Variants in EIF2AK3 observed in about 807,000 individuals in gnomAD.
The protein encoded by EIF2AK3 is eukaryotic translation initiation factor 2-alpha kinase 3.
Under a neutral mutation model 113.5 loss-of-function variants are expected in EIF2AK3, and 50 were observed. That is an observed-to-expected ratio of 0.44 (90% CI 0.35 to 0.56). The LOEUF (loss-of-function observed/expected upper bound fraction) is 0.56, where lower values mean the gene tolerates loss of function less well. EIF2AK3 is among the 20% of genes least tolerant of loss of function. The pLI, the probability that EIF2AK3 is intolerant of heterozygous loss-of-function variation, is 0.00. For synonymous variants in EIF2AK3, 448 were observed against 495.4 expected (o/e 0.90, Z 1.27); for missense variants, 1,185 against 1,378.0 (o/e 0.86, Z 2.22).
chr2:88,608,127 T>G (rs536053430), intron 2 of EIF2AK3, among the ~76,000 whole-genome samples: 1 of 146,424 alleles, frequency 6.8e-6, no homozygotes, highest in African/African-American at 2.7e-5. Flanking sequence ...ATCAATAACT[T>G]AAAAATTATT....
In EIF2AK3 at chr2:88,574,688, C is replaced by G; in HGVS notation, c.2795G>C (p.Gly932Ala). 1 of 1,614,092 alleles carries G rather than the reference C, an allele frequency of 6.2e-7. No individual in the cohort carries two copies. The highest frequency in any genetic ancestry group is 1.3e-5 in the African/African-American group (1 of 75,040). Reference sequence around the variant, plus strand: ...GACCTTGAGGTCCCTGTGCATCAGTCCTTTACTGTGAAGAAACTCCACTGC... The same window carrying G: ...GACCTTGAGGTCCCTGTGCATCAGTGCTTTACTGTGAAGAAACTCCACTGC... ...AEAVEFLHSKGLMHRDLKPSN... is the reference protein window; with the variant it reads ...AEAVEFLHSKALMHRDLKPSN... The change falls in exon 13 of 17, where the codon GGA becomes GCA. Residue 932 changes from glycine to alanine, a missense_variant. By Grantham distance (60) the Gly-to-Ala change is moderately conservative (BLOSUM62 0). Around this residue, in one of 3 missense-constraint regions of EIF2AK3, gnomAD observed 877 missense variants for 1,024.2 expected, o/e 0.86. Coordinates refer to ENST00000303236, the MANE Select transcript of EIF2AK3 (RefSeq NM_004836.7).
In EIF2AK3 at chr2:88,583,423, C is replaced by T. The variant is rs1449445268; in HGVS notation, c.1763+7G>A. Reference sequence around the variant, plus strand: ...ATTCAGATGGTTGTATTTTATAAGACTCTTACCGTGATATATATCCAGAGT... The same window carrying T: ...ATTCAGATGGTTGTATTTTATAAGATTCTTACCGTGATATATATCCAGAGT... On this transcript the variant is annotated splice_region_variant and intron_variant, in intron 10 of 16. Transcript: ENST00000303236. The T allele has an allele frequency of 1.9e-6, 3 of 1,598,622 alleles. No individual in the cohort carries two copies. Among genetic ancestry groups the T allele is most frequent in the Admixed American group, 1.7e-5 (1 of 59,946 alleles).
intron 1 of EIF2AK3, among the ~76,000 whole-genome samples, chr2:88,620,888 C>T (rs1322910552): frequency 6.6e-6 from 1 of 152,204 alleles, no homozygotes; most frequent in Non-Finnish European, 1.5e-5. Flanking sequence ...CTAGCAGTAC[C>T]TGGGCCCCAG....
At chr2:88,585,787 G>A (rs1370865141) in intron 9 of EIF2AK3, 54 bp downstream of exon 9, 34 of 1,560,622 alleles carry the variant, frequency 2.2e-5, no homozygotes, top group Non-Finnish European at 2.7e-5. Context: ...GGGTTGAGAA[G>A]CAAATAGGAG....
In EIF2AK3 at chr2:88,627,211, CCAGCAG is replaced by C. The variant is rs1805190; in HGVS notation, c.58_63del (p.Leu20_Leu21del). On this transcript the variant is annotated inframe_deletion, in exon 1 of 17. Transcript: ENST00000303236. ...GCGGCCACCGTCCTTGCCGCGAGCC[CCAGCAG>C]CAGCAGCAGCAGCAGCAGCGCCCGT... The C allele has an allele frequency of 2.1e-3, 2,725 of 1,289,038 alleles. No homozygotes were observed. The highest frequency in any genetic ancestry group is 8.0e-3 in the Admixed American group (290 of 36,394). The allele number at this position is 1,289,038 out of a possible 1,614,324, so 79.9% of individuals were successfully genotyped here.
At chr2:88,593,195 C>T in intron 4 of EIF2AK3, 77 bp downstream of exon 4, 3 of 1,573,204 alleles carry the variant, frequency 1.9e-6, no homozygotes, top group Non-Finnish European at 2.6e-6. Context: ...AAAATCTCCA[C>T]AAACAGAAAT....
chr2:88,590,551 T>A lies in EIF2AK3; in HGVS notation c.1057A>T (p.Ile353Phe). ...WLLKDGKVIP[I>F]SLFDDTSYTS... ...TAACTTGTATCATCAAAAAGACTGA[T>A]GGGAATGACTTTCCCATCCTTAAGT... The change falls in exon 6 of 17, where the codon ATC (isoleucine) becomes TTC (phenylalanine). Residue 353 changes from isoleucine (I) to phenylalanine (F), a missense_variant. By Grantham distance (21) the Ile-to-Phe change is conservative (BLOSUM62 0). This residue lies in a region of EIF2AK3 where 877 missense variants were observed against 1,024.2 expected (regional missense o/e 0.86). Transcript: ENST00000303236. 6.2e-7 allele frequency: 1 copy of A among 1,613,578 alleles called. No homozygotes were observed. The highest frequency in any genetic ancestry group is 1.1e-5 in the South Asian group (1 of 91,072).
chr2:88,569,237 T>A (rs1317834263), intron 14 of EIF2AK3, among the ~76,000 whole-genome samples: 2 of 151,774 alleles, frequency 1.3e-5, no homozygotes, highest in Admixed American at 6.6e-5. Context: ...GCATGGTAGC[T>A]CACGCCTGTG....
chr2:88,563,166 G>A (rs745901636), intron 14 of EIF2AK3, among the ~76,000 whole-genome samples: 3 of 152,200 alleles, frequency 2.0e-5, no homozygotes, highest in Non-Finnish European at 4.4e-5. Context: ...AACTGCCAAA[G>A]AAGGGAACTT....
intron 2 of EIF2AK3, among the ~76,000 whole-genome samples, chr2:88,607,904 T>C (rs1344782486): frequency 6.6e-6 from 1 of 152,242 alleles, no homozygotes; most frequent in Non-Finnish European, 1.5e-5. Context: ...TTTAGAGATG[T>C]AGTCCAATTC....
chr2:88,583,123 T>C (rs1674638505), intron 10 of EIF2AK3, among the ~76,000 whole-genome samples: 1 of 152,164 alleles, frequency 6.6e-6, no homozygotes, highest in Admixed American at 6.5e-5. Flanking sequence ...CACACTCTTA[T>C]AAACCTAATT....
At chr2:88,561,158 T>C (rs1363635780) in intron 15 of EIF2AK3, among the ~76,000 whole-genome samples, 2 of 152,040 alleles carry the variant, frequency 1.3e-5, no homozygotes, top group African/African-American at 4.8e-5. Context: ...TCTTACTATG[T>C]TGCCCAGGCT....
chr2:88,626,863 G>C, intron 1 of EIF2AK3, 104 bp downstream of exon 1: 2 of 1,470,634 alleles, frequency 1.4e-6, no homozygotes, highest in South Asian at 2.5e-5. Context: ...CCGCAGCCGA[G>C]GGAAGACGCC....
intron 8 of EIF2AK3, among the ~76,000 whole-genome samples, chr2:88,587,448 T>C (rs1453181922): frequency 6.6e-6 from 1 of 152,090 alleles, no homozygotes; most frequent in Non-Finnish European, 1.5e-5. Context: ...AAATAGAAAA[T>C]GTATTTCATG....
rs575449273 is a variant in EIF2AK3 at position 88,626,881 on chromosome 2, G to C, written c.308+86C>G. The stretch of plus-strand genomic sequence containing the variant: ...CAGCCGAGGGAAGACGCCCGCCCGG[G>C]TCCCGGATCTCCGCCCCCCTACACC... On this transcript the variant is annotated intron_variant, in intron 1 of 16. Coordinates refer to ENST00000303236, the MANE Select transcript of EIF2AK3 (RefSeq NM_004836.7). 4.6e-5 allele frequency: 71 copies of C among 1,537,220 alleles called. 1 individual carries two copies. In the African/African-American group the frequency reaches 8.4e-4, roughly 18 times the overall value.
intron 15 of EIF2AK3, among the ~76,000 whole-genome samples, chr2:88,560,745 GTTTT>G (rs78200500): frequency 1.5e-5 from 2 of 130,996 alleles, no homozygotes; most frequent in East Asian, 4.4e-4. Flanking sequence ...TATTTTGACT[GTTTT>G]TTTTTTTTTT....
chr2:88,606,029 C>A (rs1675263222), intron 2 of EIF2AK3, among the ~76,000 whole-genome samples: 1 of 152,108 alleles, frequency 6.6e-6, no homozygotes, highest in Admixed American at 6.6e-5. Flanking sequence ...TGAGAAAAAC[C>A]TCTGCAATGA....
chr2:88,607,491 A>T (rs1675318559), intron 2 of EIF2AK3, among the ~76,000 whole-genome samples: 1 of 152,288 alleles, frequency 6.6e-6, no homozygotes, highest in South Asian at 2.1e-4. Flanking sequence ...TAGCTTGGTT[A>T]TGTATCCACA....
At chr2:88,595,745 T>C in intron 2 of EIF2AK3, 82 bp from the exon 3 acceptor site, 3 of 1,296,870 alleles carry the variant, frequency 2.3e-6, no homozygotes, top group Non-Finnish European at 3.3e-6. Context: ...AATAGAAGCA[T>C]CATACCTTTA....
Sources: gnomAD v4.1 joint callset for allele counts (sites outside exome capture counted in the v4.1 genomes callset) on GRCh38, gnomAD v4.1.1 for gene constraint, gnomAD v4.1.1 regional missense constraint, MANE v1.5 for transcripts, NCBI Gene and HGNC (gene_info 2026-07-23, HGNC 2026-07-21) for gene names.